Variants in MALRD1 observed in about 807,000 individuals in gnomAD.
MALRD1 encodes the protein MAM and LDL-receptor class A domain-containing protein 1.
Under a neutral mutation model 242.1 loss-of-function variants are expected in MALRD1, and 247 were observed. The observed-to-expected ratio is 1.02, with a 90% CI of 0.92 to 1.13. The LOEUF is 1.13. MALRD1 is among the 50% of genes most tolerant of loss of function. The probability of loss-of-function intolerance (pLI) is 0.00; values close to 1 mark genes in which losing one functional copy is unlikely to be tolerated. For synonymous variants in MALRD1, 995 were observed against 866.6 expected (o/e 1.15, Z -2.60); for missense variants, 2,989 against 2,533.1 (o/e 1.18, Z -3.86).
intron 31 of MALRD1, among the ~76,000 whole-genome samples, chr10:19,525,718 G>A (rs1475988499): frequency 6.6e-6 from 1 of 152,122 alleles, no homozygotes; most frequent in Non-Finnish European, 1.5e-5. Flanking sequence ...AAAGTGTCCA[G>A]AAAATATTTG....
rs1003370922 is a variant in MALRD1, at chr10:19,442,202, G to A, written c.4846-8105G>A. 2.7e-4 allele frequency among the ~76,000 whole-genome samples: 41 copies of A among 152,332 alleles called. No individual in the cohort carries two copies. In the Middle Eastern group the frequency reaches 0.01, roughly 38 times the overall value. ...TGATTTTGTACCCTGAGATTTTGCT[G>A]AAGTTGCTTATCAGCTTAAGGAGAT... On this transcript the variant is annotated intron_variant, in intron 28 of 39. Coordinates refer to ENST00000454679, the MANE Select transcript of MALRD1 (RefSeq NM_001142308.3).
intron 19 of MALRD1, among the ~76,000 whole-genome samples, chr10:19,278,490 C>T (rs199636320): frequency 7.2e-6 from 1 of 138,208 alleles, no homozygotes; most frequent in Non-Finnish European, 1.6e-5. Context: ...TCCATCTATC[C>T]ATCCATCCAT....
chr10:19,617,056 A>G (rs190132421), intron 36 of MALRD1, among the ~76,000 whole-genome samples: 201 of 152,142 alleles, frequency 1.3e-3, no homozygotes, highest in Non-Finnish European at 1.9e-3. Flanking sequence ...AAGTTTATTA[A>G]ATATCAGCTG....
Position 19,175,334 on chromosome 10 carries a change from T to G in MALRD1, c.1951+6T>G, listed in dbSNP as rs1238753954. ...GACCAGTACACAAAGCAAGTGTAAG[T>G]TTTTCCTTGTCGTTGTTGCTGTTTT... On this transcript the variant is annotated splice_donor_region_variant and intron_variant, in intron 14 of 39. Transcript: ENST00000454679. The G allele has an allele frequency of 8.1e-7, 1 of 1,229,160 alleles. No individual in the cohort carries two copies. The highest frequency in any genetic ancestry group is 1.6e-5 in the African/African-American group (1 of 64,304). 76.1% of individuals were successfully genotyped at this position (1,229,160 alleles called of 1,614,324 possible).
At chr10:19,605,761 A>C (rs1055456094) in intron 34 of MALRD1, among the ~76,000 whole-genome samples, 5 of 151,998 alleles carry the variant, frequency 3.3e-5, no homozygotes, top group African/African-American at 1.2e-4. Flanking sequence ...TTTGCCTACT[A>C]AGTTTGACCT....
At chr10:19,434,242 A>T (rs1589066702) in intron 28 of MALRD1, among the ~76,000 whole-genome samples, 1 of 152,164 alleles carries the variant, frequency 6.6e-6, no homozygotes, top group East Asian at 1.9e-4. Flanking sequence ...ACGATTTTAT[A>T]AAATGTATGT....
intron 31 of MALRD1, among the ~76,000 whole-genome samples, chr10:19,521,109 G>A (rs1357994293): frequency 2.6e-5 from 4 of 152,066 alleles, no homozygotes; most frequent in Admixed American, 1.3e-4. Flanking sequence ...GAATCTTGGA[G>A]GGCATGATTA....
chr10:19,365,300 T>G (rs1389315282), intron 26 of MALRD1, among the ~76,000 whole-genome samples: 1 of 152,066 alleles, frequency 6.6e-6, no homozygotes, highest in Non-Finnish European at 1.5e-5. Flanking sequence ...TAGTGATGAT[T>G]TTTTTTGTGG....
intron 28 of MALRD1, among the ~76,000 whole-genome samples, chr10:19,395,167 A>G (rs544136904): frequency 6.6e-6 from 1 of 152,286 alleles, no homozygotes; most frequent in Non-Finnish European, 1.5e-5. Context: ...TGATCCTTTC[A>G]TTTCAAGTTG....
At chr10:19,719,033 C>T (rs527735993) in intron 38 of MALRD1, among the ~76,000 whole-genome samples, 10 of 150,400 alleles carry the variant, frequency 6.6e-5, no homozygotes, top group African/African-American at 1.5e-4. Flanking sequence ...CATGGCGGTA[C>T]GTGGCTGTAG....
intron 36 of MALRD1, among the ~76,000 whole-genome samples, chr10:19,637,596 A>C (rs1840197245): frequency 6.6e-6 from 1 of 152,122 alleles, no homozygotes; most frequent in South Asian, 2.1e-4. Context: ...GATTAAAATT[A>C]TTTTTGGAGA....
chr10:19,510,713 T>C (rs1050995068), intron 31 of MALRD1, among the ~76,000 whole-genome samples: 1 of 152,264 alleles, frequency 6.6e-6, no homozygotes, highest in Non-Finnish European at 1.5e-5. Flanking sequence ...TTATGTCTAC[T>C]TCTTTCTACA....
At chr10:19,435,505 T>A (rs1834318323) in intron 28 of MALRD1, among the ~76,000 whole-genome samples, 1 of 152,138 alleles carries the variant, frequency 6.6e-6, no homozygotes, top group African/African-American at 2.4e-5. Context: ...TCATGAGAGT[T>A]TTAAGGCATA....
intron 1 of MALRD1, among the ~76,000 whole-genome samples, chr10:19,051,084 A>G (rs969036646): frequency 5.9e-5 from 9 of 152,180 alleles, no homozygotes; most frequent in African/African-American, 2.2e-4. Context: ...CCACTTTGGC[A>G]TTTTATTTAA....
intron 18 of MALRD1, among the ~76,000 whole-genome samples, chr10:19,224,151 T>C (rs559311810): frequency 1.3e-4 from 20 of 152,320 alleles, no homozygotes; most frequent in African/African-American, 4.8e-4. Context: ...TTGAACTATT[T>C]ACACTCCCAC....
At chr10:19,712,295 A>G (rs532263737) in intron 38 of MALRD1, among the ~76,000 whole-genome samples, 2 of 152,320 alleles carry the variant, frequency 1.3e-5, no homozygotes, top group East Asian at 3.9e-4. Flanking sequence ...GTATCTTTGT[A>G]TGCCTAGAAT....
intron 14 of MALRD1, among the ~76,000 whole-genome samples, chr10:19,203,274 T>A (rs1365171542): frequency 1.3e-5 from 2 of 152,166 alleles, no homozygotes; most frequent in Non-Finnish European, 2.9e-5. Flanking sequence ...GGGGTACACA[T>A]TGTATTAAAT....
chr10:19,296,767 A>T (rs2131942000), intron 21 of MALRD1, among the ~76,000 whole-genome samples: 1 of 152,202 alleles, frequency 6.6e-6, no homozygotes, highest in East Asian at 1.9e-4. Context: ...TATGCATTGT[A>T]CAAATGTGAT....
chr10:19,106,599 C>T (rs1836473471), intron 5 of MALRD1, among the ~76,000 whole-genome samples: 1 of 151,184 alleles, frequency 6.6e-6, no homozygotes, highest in East Asian at 1.9e-4. Flanking sequence ...GCTTTGTTGT[C>T]TTTGGTATTG....
Sources: gnomAD v4.1 joint callset for allele counts (sites outside exome capture counted in the v4.1 genomes callset) on GRCh38, gnomAD v4.1.1 for gene constraint, MANE v1.5 for transcripts, NCBI Gene and HGNC (gene_info 2026-07-23, HGNC 2026-07-21) for gene names.